HDC: variants seen among roughly 807,000 people sequenced by gnomAD.
HDC encodes histidine decarboxylase.
A neutral mutation model predicts 64.4 loss-of-function variants in HDC; 27 were observed. The ratio of observed to expected loss-of-function variants is 0.42; its 90% CI spans 0.31 to 0.58. The LOEUF (loss-of-function observed/expected upper bound fraction) is 0.58, where lower values mean the gene tolerates loss of function less well. Among genes scored for constraint, HDC ranks in the 20% least tolerant of loss-of-function variants. HDC has a pLI of 0.16. For missense variants in HDC, 711 were observed against 833.9 expected (o/e 0.85, Z 1.81); for synonymous variants, 305 against 314.2 (o/e 0.97, Z 0.31).
intron 4 of HDC, among the ~76,000 whole-genome samples, chr15:50,256,858 G>A (rs1464104189): frequency 1.3e-5 from 2 of 152,138 alleles, no homozygotes; most frequent in Non-Finnish European, 2.9e-5. Context: ...TGAACGTCAA[G>A]GATTTATAGA....
rs1403410415 is a variant in HDC at position 50,242,798 on chromosome 15, C to G, written c.1451G>C (p.Ser484Thr). 6.2e-7 allele frequency: 1 copy of G among 1,613,950 alleles called. No individual in the cohort carries two copies. The highest frequency in any genetic ancestry group is 2.2e-5 in the East Asian group (1 of 44,862). ...GGAGATGAGGTTCCCAACCCGAGGG[C>G]TGGGTTGGGAAGTACAGTGCTGACT... The part of the protein sequence containing the change: ...ILSQHCTSQP[S>T]PRVGNLISQI... The change falls in exon 12 of 12, where the codon AGC becomes ACC. Residue 484 changes from serine to threonine, a missense_variant. Coordinates refer to ENST00000267845, the MANE Select transcript of HDC (RefSeq NM_002112.4).
chr15:50,251,907 C>A (rs2045561287), intron 9 of HDC, among the ~76,000 whole-genome samples: 1 of 151,996 alleles, frequency 6.6e-6, no homozygotes. Flanking sequence ...AGTTGAGGCG[C>A]AGTCAGTTGG....
intron 4 of HDC, among the ~76,000 whole-genome samples, 169 bp from the exon 5 acceptor site, chr15:50,254,833 A>G (rs984510786): frequency 2.6e-5 from 4 of 151,872 alleles, no homozygotes; most frequent in Admixed American, 1.3e-4. Context: ...AAGGAAATAC[A>G]CAGCTCCTCC....
intron 10 of HDC, among the ~76,000 whole-genome samples, chr15:50,243,636 T>C (rs1396298124): frequency 6.6e-6 from 1 of 152,250 alleles, no homozygotes; most frequent in Admixed American, 6.5e-5. Flanking sequence ...AGGTGCCTCA[T>C]GCGAGCTGCG....
At chr15:50,253,776 A>G (rs2045589602) in intron 6 of HDC, 110 bp from the exon 7 acceptor site, 1 of 849,182 alleles carries the variant, frequency 1.2e-6, no homozygotes, top group Non-Finnish European at 2.0e-6. Flanking sequence ...TCCCACCAGA[A>G]CAGTGTATAT....
At position 50,248,007 on chromosome 15, in the gene HDC, G is replaced by T. The variant is rs529247885; in HGVS notation, c.1140+238C>A. ...CCTCCCCAGTGCTCAGTGACAGCAA[G>T]GGGAACGGTGAGACACTCAGCAGAG... is the stretch of plus-strand genomic sequence containing the variant. On this transcript the variant is annotated intron_variant, in intron 10 of 11. Coordinates refer to ENST00000267845, the MANE Select transcript of HDC (RefSeq NM_002112.4). The surrounding 1 kb of genome is among the most constrained non-coding windows in gnomAD (Gnocchi z 4.3). Among the ~76,000 whole-genome samples the T allele has an allele frequency of 6.6e-6, 1 of 152,336 alleles. No homozygotes were observed. The highest frequency in any genetic ancestry group is 6.5e-5 in the Admixed American group (1 of 15,304).
intron 6 of HDC, chr15:50,253,871 A>C: frequency 1.6e-6 from 1 of 643,934 alleles, no homozygotes; most frequent in Non-Finnish European, 2.7e-6. Flanking sequence ...TTGAAAAAAA[A>C]GTTTCATAAA....
At chr15:50,244,659 GC>G (rs1243248401) in intron 10 of HDC, 1 of 152,176 alleles carries the variant, frequency 6.6e-6, no homozygotes, top group Non-Finnish European at 1.5e-5. Flanking sequence ...CTTTCTCAGA[GC>G]CCCTTTCTCC....
Position 50,263,347 on chromosome 15 carries a change from G to C in HDC, c.92C>G (p.Thr31Arg), listed in dbSNP as rs17740607. Residue 31 changes from threonine (T) to arginine (R), a missense_variant, in exon 2 of 12, where the codon ACG becomes AGG. By Grantham distance (71) the Thr-to-Arg change is moderately conservative. Around this residue, in one of 3 missense-constraint regions of HDC, gnomAD observed 225 missense variants for 276.2 expected, o/e 0.81. Coordinates refer to ENST00000267845, the MANE Select transcript of HDC (RefSeq NM_002112.4). ...CAGGTAGCCAGGCTGCACGTCTGGC[G>C]TCACACGTCTCTCCCGCACAGTGCT... is the stretch of plus-strand genomic sequence containing the variant. ...YLSTVRERRV[T>R]PDVQPGYLRA... The C allele has an allele frequency of 1.2e-6, 2 of 1,613,954 alleles. No homozygotes were observed. Among genetic ancestry groups the C allele is most frequent in the East Asian group, 2.2e-5 (1 of 44,900 alleles).
Position 50,248,182 on chromosome 15 carries a change from C to A in HDC, c.1140+63G>T. 1 of 1,203,252 alleles carries A rather than the reference C, an allele frequency of 8.3e-7. No homozygotes were observed. The highest frequency in any genetic ancestry group is 1.2e-6 in the Non-Finnish European group (1 of 812,468). The allele number at this position is 1,203,252 out of a possible 1,614,324, so 74.5% of individuals were successfully genotyped here. ...GGCAGATCTGCAAAGTAGAAACCAG[C>A]CTTCCTCGCCATGAGAAAACAGAGG... On this transcript the variant is annotated intron_variant, in intron 10 of 11. Coordinates refer to ENST00000267845, the MANE Select transcript of HDC (RefSeq NM_002112.4). The surrounding 1 kb of genome is among the most constrained non-coding windows in gnomAD (Gnocchi z 4.3).
At chr15:50,252,832 C>G in intron 7 of HDC, 58 bp from the exon 8 acceptor site, 4 of 1,532,900 alleles carry the variant, frequency 2.6e-6, no homozygotes, top group Non-Finnish European at 3.5e-6. Flanking sequence ...AAAGATGTCT[C>G]GCACCTGGCC....
chr15:50,242,813 C>T lies in HDC; in HGVS notation c.1436G>A (p.Cys479Tyr). The change falls in exon 12 of 12, where the codon TGT becomes TAT. Residue 479 changes from cysteine to tyrosine, a missense_variant. Cys to Tyr is a radical substitution (Grantham distance 194). Transcript: ENST00000267845. ...DAATLILSQHCTSQPSPRVGN... is the reference protein window; with the variant it reads ...DAATLILSQHYTSQPSPRVGN... The stretch of plus-strand genomic sequence containing the variant: ...AACCCGAGGGCTGGGTTGGGAAGTA[C>T]AGTGCTGACTCAGGATGAGAGTGGC... The T allele has an allele frequency of 1.2e-6, 2 of 1,613,992 alleles. No individual in the cohort carries two copies. Among genetic ancestry groups the T allele is most frequent in the Non-Finnish European group, 1.7e-6 (2 of 1,179,984 alleles).
intron 9 of HDC, among the ~76,000 whole-genome samples, chr15:50,250,596 A>G (rs1453322100): frequency 6.6e-6 from 1 of 152,204 alleles, no homozygotes; most frequent in Non-Finnish European, 1.5e-5. Flanking sequence ...ATGAAATTCA[A>G]AAGGGCAAGG....
At chr15:50,252,856 G>T in intron 7 of HDC, 82 bp from the exon 8 acceptor site, 1 of 1,395,744 alleles carries the variant, frequency 7.2e-7, no homozygotes, top group African/African-American at 1.4e-5. Context: ...CTGAGTGGTG[G>T]GCTGCAAGGA....
rs565565894 is a variant in HDC at position 50,252,279 on chromosome 15, G to T, written c.1041+151C>A. 4.5e-6 allele frequency: 3 copies of T among 665,194 alleles called. No individual in the cohort carries two copies. The African/African-American group carries it at 5.4e-5, about 12-fold the overall frequency. The allele number at this position is 665,194 out of a possible 1,614,324, so 41.2% of individuals were successfully genotyped here. On this transcript the variant is annotated intron_variant, in intron 9 of 11. Transcript: ENST00000267845. ...CATTCTATATACTTAGGCACAATTA[G>T]AAACCAAGGTATGCATTGGCAGTAT...
At chr15:50,249,097 C>G (rs960241274) in intron 9 of HDC, among the ~76,000 whole-genome samples, 30 of 152,196 alleles carry the variant, frequency 2.0e-4, no homozygotes, top group African/African-American at 7.2e-4. Flanking sequence ...GCCATCACTC[C>G]AGCTGTCAGA....
At chr15:50,256,853 G>A (rs971524489) in intron 4 of HDC, among the ~76,000 whole-genome samples, 3 of 152,156 alleles carry the variant, frequency 2.0e-5, no homozygotes, top group Non-Finnish European at 4.4e-5. Context: ...CCTCATGAAC[G>A]TCAAGGATTT....
intron 9 of HDC, 72 bp downstream of exon 9, chr15:50,252,358 T>C (rs1435787939): frequency 3.5e-6 from 4 of 1,145,438 alleles, no homozygotes; most frequent in Non-Finnish European, 5.3e-6. Flanking sequence ...CGTACAGATT[T>C]TGGGGGGTCA....
chr15:50,255,343 G>A (rs925246020), intron 4 of HDC, among the ~76,000 whole-genome samples: 10 of 152,140 alleles, frequency 6.6e-5, no homozygotes, highest in Non-Finnish European at 8.8e-5. Context: ...AGTCTTTGAT[G>A]TCTTTGCTTC....
Sources: allele counts gnomAD v4.1 joint callset (sites outside exome capture counted in the v4.1 genomes callset), GRCh38; gene constraint gnomAD v4.1.1; regional missense constraint gnomAD v4.1.1; non-coding constraint Gnocchi (gnomAD v3.1); transcripts MANE v1.5; gene names NCBI Gene and HGNC (gene_info 2026-07-23, HGNC 2026-07-21).